The following GPC5 variants were observed in gnomAD, a reference collection of about 807,000 sequenced individuals.
The protein encoded by GPC5 is glypican 5.
Under a neutral mutation model 53.9 loss-of-function variants are expected in GPC5, and 47 were observed. That is an observed-to-expected ratio of 0.87 (90% CI 0.69 to 1.11). The LOEUF is 1.11. Among genes scored for constraint, GPC5 ranks in the 50% most tolerant of loss-of-function variants. GPC5 has a pLI of 0.00. For synonymous variants in GPC5, 286 were observed against 263.3 expected (o/e 1.09, Z -0.84); for missense variants, 748 against 713.1 (o/e 1.05, Z -0.56).
chr13:91,676,143 TC>T (rs1159420622), intron 2 of GPC5, among the ~76,000 whole-genome samples: 1 of 152,184 alleles, frequency 6.6e-6, no homozygotes, highest in Non-Finnish European at 1.5e-5. Context: ...CAATCTTGGC[TC>T]ACTGCAACCT....
rs1276807784 is a variant in GPC5, at chr13:91,571,847, A to G, written c.326-121340A>G. ...TATATATACACATATACTTGTGTGT[A>G]TATACACATATACGTGTGTGTATAT... On this transcript the variant is annotated intron_variant, in intron 2 of 7. Coordinates refer to ENST00000377067, the MANE Select transcript of GPC5 (RefSeq NM_004466.6). 9.9e-3 allele frequency among the ~76,000 whole-genome samples: 795 copies of G among 80,204 alleles called. 36 individuals are homozygous for G. Among genetic ancestry groups the G allele is most frequent in the South Asian group, 0.058 (124 of 2,144 alleles). The allele number at this position is 80,204 out of a possible 152,430, so 52.6% of individuals were successfully genotyped here. A position where few individuals can be genotyped will look rare whatever the true frequency, so the allele number is the denominator to read the frequency against.
In GPC5 at chr13:91,434,283, A is replaced by G. The variant is rs186997594; in HGVS notation, c.164-14478A>G. Among the ~76,000 whole-genome samples, 754 of 152,264 alleles carry G rather than the reference A, an allele frequency of 5.0e-3. 6 individuals are homozygous for G. The highest frequency in any genetic ancestry group is 7.6e-3 in the Non-Finnish European group (520 of 68,024). On this transcript the variant is annotated intron_variant, in intron 1 of 7. Transcript: ENST00000377067. Reference sequence around the variant, plus strand: ...AGACATGAAGTCCTTGCCCATGCCTATGTCCTGAATGGTATTGCCTAGGTT... The same window carrying G: ...AGACATGAAGTCCTTGCCCATGCCTGTGTCCTGAATGGTATTGCCTAGGTT...
intron 2 of GPC5, among the ~76,000 whole-genome samples, chr13:91,674,991 G>A (rs940013077): frequency 2.0e-5 from 3 of 151,424 alleles, no homozygotes; most frequent in African/African-American, 7.3e-5. Flanking sequence ...ATCTAGACTA[G>A]TCCAGGAGAC....
At chr13:92,583,196 T>A (rs1883426972) in intron 7 of GPC5, among the ~76,000 whole-genome samples, 2 of 152,196 alleles carry the variant, frequency 1.3e-5, no homozygotes, top group African/African-American at 2.4e-5. Flanking sequence ...CTATCATGAA[T>A]GGATGTTAAA....
At chr13:92,293,983 G>T (rs2043016260) in intron 7 of GPC5, among the ~76,000 whole-genome samples, 1 of 152,076 alleles carries the variant, frequency 6.6e-6, no homozygotes, top group African/African-American at 2.4e-5. Context: ...TGTTTATGTG[G>T]TATATCACAT....
At position 92,866,432 on chromosome 13, in the gene GPC5, T is replaced by C; in HGVS notation, c.1712T>C (p.Ile571Thr). The C allele has an allele frequency of 6.2e-7, 1 of 1,602,104 alleles. No homozygotes were observed. Among genetic ancestry groups the C allele is most frequent in the Non-Finnish European group, 8.5e-7 (1 of 1,172,766 alleles). Residue 571 changes from isoleucine to threonine, a missense_variant, in exon 8 of 8, where the codon ATT becomes ACT. Physicochemically the swap from Ile to Thr is moderately conservative, Grantham distance 89. Coordinates refer to ENST00000377067, the MANE Select transcript of GPC5 (RefSeq NM_004466.6). ...AGTGTGGTGATGTTACTTCCCGGGATTTGGTAACTGAACTCTTCTGTCCTG... is the reference window on the plus strand; with the variant it reads ...AGTGTGGTGATGTTACTTCCCGGGACTTGGTAACTGAACTCTTCTGTCCTG... Reference protein sequence around the residue: ...LISVVMLLPGIW With the variant: ...LISVVMLLPGTW
rs76635765 is a variant in GPC5, at chr13:92,216,250, G to A, written c.1561+71261G>A. Among the ~76,000 whole-genome samples the A allele has an allele frequency of 4.9e-3, 753 of 152,210 alleles. 4 individuals are homozygous for A. Among genetic ancestry groups the A allele is most frequent in the East Asian group, 0.035 (179 of 5,174 alleles). On this transcript the variant is annotated intron_variant, in intron 7 of 7. Coordinates refer to ENST00000377067, the MANE Select transcript of GPC5 (RefSeq NM_004466.6). ...AAACAAGATTAAAAATAGAGTAATC[G>A]TTGTTGAACACTAGGGGTTCAGCCT...
In GPC5 at chr13:92,299,070, T is replaced by A. The variant is rs148867292; in HGVS notation, c.1561+154081T>A. Among the ~76,000 whole-genome samples the A allele has an allele frequency of 5.6e-3, 848 of 152,326 alleles. 11 individuals are homozygous for A. Among genetic ancestry groups the A allele is most frequent in the African/African-American group, 0.02 (811 of 41,566 alleles). ...AGAAAATTTTATAAAATTTTGGTTT[T>A]CAGTGTGTTAAAATAACTTATGGAA... On this transcript the variant is annotated intron_variant, in intron 7 of 7. Coordinates refer to ENST00000377067, the MANE Select transcript of GPC5 (RefSeq NM_004466.6).
intron 7 of GPC5, among the ~76,000 whole-genome samples, chr13:92,373,652 C>G (rs535151718): frequency 2.6e-5 from 4 of 152,302 alleles, no homozygotes; most frequent in Admixed American, 6.5e-5. Context: ...TGATAATATT[C>G]TGTTGTTGAA....
In GPC5 at chr13:91,845,040, T is replaced by C. The variant is rs149740404; in HGVS notation, c.1281-62897T>C. Among the ~76,000 whole-genome samples, 303 of 152,338 alleles carry C rather than the reference T, an allele frequency of 2.0e-3. 3 individuals carry two copies. Among genetic ancestry groups the C allele is most frequent in the Admixed American group, 0.017 (261 of 15,294 alleles). ...AAACACGGGACTTATTCATATAACC[T>C]AGCAAAATATGGAATTGTCATTTTA... is the stretch of plus-strand genomic sequence containing the variant. On this transcript the variant is annotated intron_variant, in intron 5 of 7. Transcript: ENST00000377067.
intron 3 of GPC5, among the ~76,000 whole-genome samples, chr13:91,703,464 T>C (rs1256079105): frequency 1.3e-5 from 2 of 152,148 alleles, no homozygotes; most frequent in African/African-American, 4.8e-5. Flanking sequence ...TCTGTTAAAG[T>C]GGTATATCAT....
chr13:92,766,903 T>C (rs939160607), intron 7 of GPC5, among the ~76,000 whole-genome samples: 1 of 152,252 alleles, frequency 6.6e-6, no homozygotes, highest in African/African-American at 2.4e-5. Flanking sequence ...TCTAATTCAC[T>C]TGAGGCAGAA....
intron 7 of GPC5, among the ~76,000 whole-genome samples, chr13:92,743,146 A>G (rs1363085740): frequency 6.6e-6 from 1 of 151,440 alleles, no homozygotes; most frequent in East Asian, 1.9e-4. Flanking sequence ...CTTGATAGGG[A>G]TGGCATTGAA....
chr13:92,382,981 C>A (rs1288538883), intron 7 of GPC5, among the ~76,000 whole-genome samples: 2 of 136,150 alleles, frequency 1.5e-5, no homozygotes, highest in African/African-American at 5.6e-5. Context: ...CCAGCCTGGG[C>A]TACAGAGCAA....
intron 7 of GPC5, among the ~76,000 whole-genome samples, chr13:92,560,687 T>A (rs1429354694): frequency 6.6e-6 from 1 of 152,024 alleles, no homozygotes; most frequent in Non-Finnish European, 1.5e-5. Context: ...ATTTTACACA[T>A]GAAATCTAAT....
At chr13:91,708,045 A>C (rs1180860465) in intron 3 of GPC5, among the ~76,000 whole-genome samples, 1 of 152,190 alleles carries the variant, frequency 6.6e-6, no homozygotes, top group Non-Finnish European at 1.5e-5. Flanking sequence ...GGCATATTAA[A>C]ATTTTAAAGT....
At chr13:91,501,106 G>A (rs1050500920) in intron 2 of GPC5, among the ~76,000 whole-genome samples, 3 of 152,086 alleles carry the variant, frequency 2.0e-5, no homozygotes, top group African/African-American at 7.2e-5. Flanking sequence ...TGTGAAAACA[G>A]GCTAATACAC....
intron 7 of GPC5, among the ~76,000 whole-genome samples, chr13:92,597,562 C>T (rs998158329): frequency 5.9e-5 from 9 of 152,046 alleles, no homozygotes; most frequent in African/African-American, 2.2e-4. Flanking sequence ...CAGAATCAGG[C>T]TCTCCCCCTT....
In GPC5 at chr13:91,618,217, G is replaced by C. The variant is rs571677792; in HGVS notation, c.326-74970G>C. Among the ~76,000 whole-genome samples the C allele has an allele frequency of 2.0e-5, 3 of 152,196 alleles. No homozygotes were observed. The East Asian group carries it at 5.8e-4, about 29-fold the overall frequency. On this transcript the variant is annotated intron_variant, in intron 2 of 7. Transcript: ENST00000377067. ...ATGCAACCAGCTTATACAATAGAGA[G>C]ATTCTCTAATAATGCAGGAGAGGCA...
Sources: gnomAD v4.1 joint callset for allele counts (sites outside exome capture counted in the v4.1 genomes callset) on GRCh38, gnomAD v4.1.1 for gene constraint, MANE v1.5 for transcripts, NCBI Gene and HGNC (gene_info 2026-07-23, HGNC 2026-07-21) for gene names.